The following CDS2 variants were observed in gnomAD, a reference collection of about 807,000 sequenced individuals.
CDS2 encodes phosphatidate cytidylyltransferase 2.
A neutral mutation model predicts 59.0 loss-of-function variants in CDS2; 47 were observed. The ratio of observed to expected loss-of-function variants is 0.80; its 90% CI spans 0.63 to 1.02. The LOEUF (loss-of-function observed/expected upper bound fraction) is 1.02. CDS2 is among the 50% of genes least tolerant of loss of function. CDS2 has a pLI of 0.00. For missense variants in CDS2, 356 were observed against 558.9 expected, an observed-to-expected ratio of 0.64 and a Z score of 3.66; for synonymous variants, 207 against 206.4, an observed-to-expected ratio of 1.00 and a Z score of -0.02.
At chr20:5,167,326 C>G (rs902585626) in intron 1 of CDS2, among the ~76,000 whole-genome samples, 1 of 152,134 alleles carries the variant, frequency 6.6e-6, no homozygotes, top group African/African-American at 2.4e-5. Flanking sequence ...TTCTTTGAAT[C>G]CCATTATTGC....
At chr20:5,169,911 G>C (rs998863663) in intron 1 of CDS2, among the ~76,000 whole-genome samples, 3 of 152,196 alleles carry the variant, frequency 2.0e-5, no homozygotes, top group African/African-American at 7.2e-5. Flanking sequence ...CCCCAGCAAG[G>C]CCTGATGCTC....
At chr20:5,189,214 A>G in intron 11 of CDS2, 28 bp downstream of exon 11, 1 of 1,613,402 alleles carries the variant, frequency 6.2e-7, no homozygotes, top group South Asian at 1.1e-5. Flanking sequence ...CGTTCCTCTC[A>G]TCTCACTCCC....
At position 5,190,116 on chromosome 20, in the gene CDS2, G is replaced by A. The variant is rs1264809635; in HGVS notation, c.1220G>A (p.Ser407Asn). The change falls in exon 13 of 13, where the codon AGC becomes AAC. Residue 407 changes from serine to asparagine, a missense_variant. Coordinates refer to ENST00000460006, the MANE Select transcript of CDS2 (RefSeq NM_003818.4). ...TTCTGTTCCAGAGGCCCTAACCCAA[G>A]CAAACTGATTCAGCAGTTCCTGACT... ...IASFIRGPNP[S>N]KLIQQFLTLR... 1.2e-6 allele frequency: 2 copies of A among 1,613,944 alleles called. No individual in the cohort carries two copies. Among genetic ancestry groups the A allele is most frequent in the South Asian group, 1.1e-5 (1 of 91,074 alleles).
At chr20:5,132,393 C>A (rs1001815004) in intron 1 of CDS2, among the ~76,000 whole-genome samples, 2 of 152,112 alleles carry the variant, frequency 1.3e-5, no homozygotes. Flanking sequence ...CCACCGCGCC[C>A]GGCCTCTTTT....
At chr20:5,175,848 G>C (rs1166317897) in intron 3 of CDS2, among the ~76,000 whole-genome samples, 1 of 152,056 alleles carries the variant, frequency 6.6e-6, no homozygotes, top group African/African-American at 2.4e-5. Flanking sequence ...CTTTTACCCT[G>C]GGCATGTCTC....
intron 12 of CDS2, 56 bp downstream of exon 12, chr20:5,189,894 C>A: frequency 6.8e-7 from 1 of 1,467,594 alleles, no homozygotes; most frequent in South Asian, 1.2e-5. Context: ...CGGTGCAATT[C>A]TAGAATTTTA....
chr20:5,142,955 G>A (rs907791879), intron 1 of CDS2, among the ~76,000 whole-genome samples: 4 of 152,178 alleles, frequency 2.6e-5, no homozygotes, highest in Middle Eastern at 3.4e-3. Flanking sequence ...GGATCCTCCT[G>A]CCTTTGCCTC....
At chr20:5,153,304 T>C (rs2090807551) in intron 1 of CDS2, among the ~76,000 whole-genome samples, 1 of 152,194 alleles carries the variant, frequency 6.6e-6, no homozygotes, top group Admixed American at 6.5e-5. Context: ...TGCGTACATA[T>C]CATATTTTTA....
intron 1 of CDS2, among the ~76,000 whole-genome samples, chr20:5,131,852 T>G (rs1389092502): frequency 6.6e-6 from 1 of 152,230 alleles, no homozygotes; most frequent in Admixed American, 6.5e-5. Flanking sequence ...TTACAGGATA[T>G]TCATGTGGAT....
chr20:5,155,951 G>A (rs757374238), intron 1 of CDS2, among the ~76,000 whole-genome samples: 6 of 152,154 alleles, frequency 3.9e-5, no homozygotes, highest in Non-Finnish European at 7.4e-5. Context: ...GCTGGAGCAG[G>A]TGGTGTGAGG....
At chr20:5,182,523 C>A in intron 6 of CDS2, 78 bp downstream of exon 6, 1 of 1,285,796 alleles carries the variant, frequency 7.8e-7, no homozygotes, top group Non-Finnish European at 1.1e-6. Flanking sequence ...GCCTTTCATG[C>A]TTTCTGTGAC....
At chr20:5,173,748 T>C in intron 2 of CDS2, 89 bp downstream of exon 2, 3 of 1,502,700 alleles carry the variant, frequency 2.0e-6, no homozygotes, top group Non-Finnish European at 2.7e-6. Context: ...CCCGTGGTCT[T>C]GCAGAGCAGG....
Position 5,190,200 on chromosome 20 carries a change from A to G in CDS2, c.1304A>G (p.Lys435Arg), listed in dbSNP as rs2091102688. The change falls in exon 13 of 13, where the codon AAA becomes AGA. Residue 435 changes from lysine to arginine, a missense_variant. Lys to Arg is a conservative substitution (Grantham distance 26, BLOSUM62 2). Transcript: ENST00000460006. ...ACGCTGCGGTCTCATCTGATCGACA[A>G]AGGGATGCTGACATCCACCACAGAG... ...FNTLRSHLID[K>R]GMLTSTTEDE The G allele has an allele frequency of 6.2e-7, 1 of 1,613,986 alleles. No individual in the cohort carries two copies. The highest frequency in any genetic ancestry group is 8.5e-7 in the Non-Finnish European group (1 of 1,179,992).
chr20:5,154,160 T>G (rs943432247), intron 1 of CDS2, among the ~76,000 whole-genome samples: 6 of 152,180 alleles, frequency 3.9e-5, no homozygotes, highest in Admixed American at 3.9e-4. Context: ...TGCAAGCTTG[T>G]CTGATTGTGA....
intron 1 of CDS2, among the ~76,000 whole-genome samples, chr20:5,129,793 C>T (rs987477815): frequency 2.8e-4 from 42 of 150,692 alleles, no homozygotes; most frequent in Non-Finnish European, 4.3e-4. Flanking sequence ...ATTGGCCAGG[C>T]TGGTCTTGAA....
chr20:5,158,022 T>C (rs2090846849), intron 1 of CDS2, among the ~76,000 whole-genome samples: 1 of 152,194 alleles, frequency 6.6e-6, no homozygotes, highest in Non-Finnish European at 1.5e-5. Flanking sequence ...TAAAACATTA[T>C]GAGTTTTTTG....
rs2091135346 is a variant in CDS2, at chr20:5,193,680, G to C, written c.*3446G>C. On this transcript the variant is annotated 3_prime_UTR_variant, in exon 13 of 13. Transcript: ENST00000460006. ...CTCAGGTTCATCTCCACTATTGACA[G>C]AGTCGGGTAGTGGGAGAGTATAAGT... The C allele has an allele frequency of 6.6e-6, 1 of 152,244 alleles. No individual in the cohort carries two copies. Among genetic ancestry groups the C allele is most frequent in the African/African-American group, 2.4e-5 (1 of 41,460 alleles). 9.4% of individuals were successfully genotyped at this position (152,244 alleles called of 1,614,324 possible).
intron 1 of CDS2, among the ~76,000 whole-genome samples, chr20:5,130,585 T>C (rs973502487): frequency 2.7e-5 from 4 of 150,718 alleles, no homozygotes; most frequent in African/African-American, 9.8e-5. Flanking sequence ...GAGACCAGCC[T>C]GACCAACGGG....
chr20:5,181,615 G>A (rs926110450), intron 5 of CDS2, among the ~76,000 whole-genome samples: 3 of 152,208 alleles, frequency 2.0e-5, no homozygotes, highest in African/African-American at 4.8e-5. Context: ...TTACAGTCAT[G>A]CATCGTTTAA....
Sources: allele counts gnomAD v4.1 joint callset (sites outside exome capture counted in the v4.1 genomes callset), GRCh38; gene constraint gnomAD v4.1.1; transcripts MANE v1.5; gene names NCBI Gene and HGNC (gene_info 2026-07-23, HGNC 2026-07-21).